CDC40: variants seen among roughly 807,000 people sequenced by gnomAD.
CDC40 encodes cell division cycle 40.
A neutral mutation model predicts 80.6 loss-of-function variants in CDC40; 27 were observed. The observed-to-expected ratio is 0.33, with a 90% CI of 0.25 to 0.46. CDC40 has a LOEUF of 0.46. Among genes scored for constraint, CDC40 ranks in the 20% least tolerant of loss-of-function variants. The probability of loss-of-function intolerance (pLI) is 1.00; values close to 1 mark genes in which losing one functional copy is unlikely to be tolerated. For missense variants in CDC40, 486 were observed against 694.1 expected (o/e 0.70, Z 3.37); for synonymous variants, 221 against 232.6 (o/e 0.95, Z 0.45).
Position 110,218,404 on chromosome 6 carries a change from C to T in CDC40, c.1090+601C>T, listed in dbSNP as rs59869300. On this transcript the variant is annotated intron_variant, in intron 10 of 14. Coordinates refer to ENST00000307731, the MANE Select transcript of CDC40 (RefSeq NM_015891.3). ...AAACATCATTTAACAGGCATAATTG[C>T]TAAGCACTGATATTCAGTGTCTCCT... is the stretch of plus-strand genomic sequence containing the variant. Among the ~76,000 whole-genome samples, 351 of 152,278 alleles carry T rather than the reference C, an allele frequency of 2.3e-3. 2 individuals are homozygous for T. Among genetic ancestry groups the T allele is most frequent in the African/African-American group, 7.3e-3 (305 of 41,562 alleles).
At chr6:110,210,327 A>G (rs189204777) in intron 5 of CDC40, among the ~76,000 whole-genome samples, 2 of 152,062 alleles carry the variant, frequency 1.3e-5, no homozygotes, top group East Asian at 3.9e-4. Flanking sequence ...AGGCGGGCGC[A>G]TTGCCAGAGC....
chr6:110,182,629 T>C (rs1777213910), intron 1 of CDC40, among the ~76,000 whole-genome samples: 1 of 152,246 alleles, frequency 6.6e-6, no homozygotes, highest in Admixed American at 6.5e-5. Flanking sequence ...TTTTCACTGG[T>C]GCAGGCTTCA....
chr6:110,212,362 T>C (rs931198431), intron 7 of CDC40, 90 bp downstream of exon 7: 13 of 1,339,882 alleles, frequency 9.7e-6, no homozygotes, highest in Non-Finnish European at 1.4e-5. Flanking sequence ...CATTTAGTAT[T>C]TCTGGTAAAG....
intron 1 of CDC40, among the ~76,000 whole-genome samples, chr6:110,188,471 A>C (rs975700892): frequency 6.6e-6 from 1 of 152,212 alleles, no homozygotes. Context: ...TTCTAGGGTG[A>C]TATAGATAAT....
chr6:110,219,947 TAATATGC>T (rs137961391), intron 12 of CDC40, 78 bp downstream of exon 12: 53,559 of 1,437,830 alleles, frequency 0.037, 1,164 homozygotes, highest in African/African-American at 0.071. Context: ...TGAAGCCTGA[TAATATGC>T]AACCATTTGA....
At position 110,226,151 on chromosome 6, in the gene CDC40, T is replaced by C. The variant is rs755380262; in HGVS notation, c.1341-16T>C. 6.7e-7 allele frequency: 1 copy of C among 1,482,758 alleles called. No individual in the cohort carries two copies. The highest frequency in any genetic ancestry group is 9.4e-7 in the Non-Finnish European group (1 of 1,063,728). The allele number at this position is 1,482,758 out of a possible 1,614,324, so 91.9% of individuals were successfully genotyped here. A position where few individuals can be genotyped will look rare whatever the true frequency, so the allele number is the denominator to read the frequency against. On this transcript the variant is annotated splice_polypyrimidine_tract_variant and intron_variant, in intron 12 of 14. Coordinates refer to ENST00000307731, the MANE Select transcript of CDC40 (RefSeq NM_015891.3). ...TTAAAAGTTGCTTATTCTGATATGC[T>C]ATTTAAAATTTTTAGGGATATCCCT...
At chr6:110,223,849 T>TTTG (rs1432109607) in intron 12 of CDC40, among the ~76,000 whole-genome samples, 17 of 149,634 alleles carry the variant, frequency 1.1e-4, no homozygotes, top group Non-Finnish European at 2.1e-4. Flanking sequence ...TTTGTTTTGT[T>TTTG]TGAGACAGAG....
chr6:110,199,085 C>T (rs1777456467), intron 2 of CDC40: 1 of 152,166 alleles, frequency 6.6e-6, no homozygotes. Flanking sequence ...CCACTGATTC[C>T]TTGTATCACT....
intron 1 of CDC40, among the ~76,000 whole-genome samples, chr6:110,192,269 C>T (rs1418374938): frequency 6.6e-6 from 1 of 152,110 alleles, no homozygotes; most frequent in African/African-American, 2.4e-5. Flanking sequence ...TGAACCACTG[C>T]AATAGAGGAC....
intron 1 of CDC40, among the ~76,000 whole-genome samples, chr6:110,188,472 T>C (rs922581332): frequency 2.6e-5 from 4 of 152,232 alleles, no homozygotes; most frequent in African/African-American, 9.6e-5. Flanking sequence ...TCTAGGGTGA[T>C]ATAGATAATA....
intron 1 of CDC40, among the ~76,000 whole-genome samples, chr6:110,187,579 T>A (rs1777291305): frequency 6.6e-6 from 1 of 152,310 alleles, no homozygotes; most frequent in Non-Finnish European, 1.5e-5. Context: ...TATTAGGAAG[T>A]TTAGTCATTT....
intron 5 of CDC40, 33 bp downstream of exon 5, chr6:110,209,256 G>A: frequency 1.3e-6 from 2 of 1,572,990 alleles, no homozygotes; most frequent in South Asian, 2.2e-5. Context: ...GTCAATTCAG[G>A]TATACGCTGT....
At position 110,217,616 on chromosome 6, in the gene CDC40, T is replaced by C. The variant is rs928017359; in HGVS notation, c.989-86T>C. The C allele has an allele frequency of 5.2e-5, 38 of 729,166 alleles. No homozygotes were observed. The Admixed American group carries it at 6.5e-4, about 12-fold the overall frequency. 45.2% of individuals were successfully genotyped at this position (729,166 alleles called of 1,614,324 possible). A position where few individuals can be genotyped will look rare whatever the true frequency, so the allele number is the denominator to read the frequency against. ...ACAGCTGAGAACCACTGCTTAGTGCTGTTTGTCTTTATGGTGTTAATGTTT... is the reference window on the plus strand; with the variant it reads ...ACAGCTGAGAACCACTGCTTAGTGCCGTTTGTCTTTATGGTGTTAATGTTT... On this transcript the variant is annotated intron_variant, in intron 9 of 14. Coordinates refer to ENST00000307731, the MANE Select transcript of CDC40 (RefSeq NM_015891.3).
At chr6:110,215,355 ATAAATCTGGGAAGAATTTT>A in intron 9 of CDC40, 24 bp downstream of exon 9, 2 of 1,595,302 alleles carry the variant, frequency 1.3e-6, no homozygotes, top group Non-Finnish European at 1.7e-6. Context: ...TCTCTCCAAC[ATAAATCTGGGAAGAATTTT>A]TAAAGTAAGA....
intron 12 of CDC40, among the ~76,000 whole-genome samples, chr6:110,225,440 C>A: frequency 6.7e-6 from 1 of 150,332 alleles, no homozygotes. Context: ...TCTTTCATCA[C>A]TCACATGAGG....
chr6:110,213,178 G>A lies in CDC40; in HGVS notation c.942+18G>A. The stretch of plus-strand genomic sequence containing the variant: ...AAATTAAGGTGAGTTTTCAGTAACA[G>A]AGTAGGAGTGCTGCAAAGCTAGTTC... On this transcript the variant is annotated intron_variant, in intron 8 of 14. Coordinates refer to ENST00000307731, the MANE Select transcript of CDC40 (RefSeq NM_015891.3). 7.0e-7 allele frequency: 1 copy of A among 1,431,336 alleles called. No homozygotes were observed. Among genetic ancestry groups the A allele is most frequent in the Non-Finnish European group, 9.9e-7 (1 of 1,013,132 alleles). 88.7% of individuals were successfully genotyped at this position (1,431,336 alleles called of 1,614,324 possible). A position where few individuals can be genotyped will look rare whatever the true frequency, so the allele number is the denominator to read the frequency against.
chr6:110,200,217 T>C (rs1408147201), intron 2 of CDC40, among the ~76,000 whole-genome samples: 1 of 152,220 alleles, frequency 6.6e-6, no homozygotes, highest in Non-Finnish European at 1.5e-5. Flanking sequence ...TTGTAGCAAT[T>C]TATTTTCTTC....
At chr6:110,192,083 A>G (rs1185012316) in intron 1 of CDC40, among the ~76,000 whole-genome samples, 3 of 152,062 alleles carry the variant, frequency 2.0e-5, no homozygotes, top group African/African-American at 7.2e-5. Context: ...TTAGGCTTTT[A>G]CTCTGACTGG....
chr6:110,207,724 C>G, intron 4 of CDC40, 135 bp downstream of exon 4: 1 of 567,978 alleles, frequency 1.8e-6, no homozygotes, highest in Non-Finnish European at 3.2e-6. Flanking sequence ...TGGAGCGATA[C>G]AGTTTAGAGC....
Sources: allele counts gnomAD v4.1 joint callset (sites outside exome capture counted in the v4.1 genomes callset), GRCh38; gene constraint gnomAD v4.1.1; transcripts MANE v1.5; gene names NCBI Gene and HGNC (gene_info 2026-07-23, HGNC 2026-07-21).